Variants in ADAMTSL3 observed in about 807,000 individuals in gnomAD.
ADAMTSL3 encodes the protein ADAMTS-like protein 3.
In ADAMTSL3, 128 loss-of-function variants were observed where a neutral mutation model predicts 201.7. The ratio of observed to expected loss-of-function variants is 0.63; its 90% confidence interval spans 0.55 to 0.73. The LOEUF (loss-of-function observed/expected upper bound fraction) is 0.73, where lower values mean the gene tolerates loss of function less well. ADAMTSL3 is among the 30% of genes least tolerant of loss of function. ADAMTSL3 has a pLI of 0.00. For missense variants in ADAMTSL3, 1,990 were observed against 2,119.6 expected, an observed-to-expected ratio of 0.94 and a Z score of 1.20; for synonymous variants, 738 against 748.4, an observed-to-expected ratio of 0.99 and a Z score of 0.23.
intron 10 of ADAMTSL3, among the ~76,000 whole-genome samples, chr15:83,889,421 G>A (rs1187628844): frequency 6.6e-6 from 1 of 152,150 alleles, no homozygotes; most frequent in Admixed American, 6.5e-5. Flanking sequence ...ACCACCCAGC[G>A]CAAGGGTAGT....
chr15:83,827,164 C>T (rs1156440992), intron 6 of ADAMTSL3, among the ~76,000 whole-genome samples: 1 of 152,172 alleles, frequency 6.6e-6, no homozygotes. Flanking sequence ...ACATCCTCTC[C>T]AGCACCTGTT....
intron 29 of ADAMTSL3, 47 bp from the exon 30 acceptor site, chr15:84,037,653 G>T: frequency 2.7e-6 from 4 of 1,503,006 alleles, no homozygotes; most frequent in East Asian, 2.3e-5. Context: ...TTTTTAATTA[G>T]GTCTCTAATA....
chr15:83,791,387 A>G (rs1484017848), intron 4 of ADAMTSL3, among the ~76,000 whole-genome samples: 1 of 152,206 alleles, frequency 6.6e-6, no homozygotes, highest in East Asian at 1.9e-4. Context: ...AAAAACAGAC[A>G]GGTTGTCCGA....
intron 7 of ADAMTSL3, among the ~76,000 whole-genome samples, chr15:83,847,307 T>G (rs2064518394): frequency 6.6e-6 from 1 of 152,190 alleles, no homozygotes; most frequent in African/African-American, 2.4e-5. Flanking sequence ...CACCCCCATT[T>G]GCAAAGTAGT....
chr15:83,724,518 G>T (rs1336269619), intron 3 of ADAMTSL3, among the ~76,000 whole-genome samples: 1 of 151,932 alleles, frequency 6.6e-6, no homozygotes, highest in African/African-American at 2.4e-5. Flanking sequence ...TGGGGTATCC[G>T]TCACCTCAGG....
At chr15:83,942,859 A>C in intron 18 of ADAMTSL3, 44 bp from the exon 19 acceptor site, 1 of 1,606,188 alleles carries the variant, frequency 6.2e-7, no homozygotes, top group African/African-American at 1.3e-5. Context: ...GCACTAACAT[A>C]GAGTGGGCCA....
chr15:83,699,462 C>T (rs948865798), intron 2 of ADAMTSL3, among the ~76,000 whole-genome samples: 4 of 152,220 alleles, frequency 2.6e-5, no homozygotes, highest in African/African-American at 9.6e-5. Context: ...CCCTTCTCTA[C>T]TGCCATCATC....
chr15:83,696,900 C>T (rs17158691), intron 2 of ADAMTSL3, among the ~76,000 whole-genome samples: 15,025 of 152,122 alleles, frequency 0.099, 986 homozygotes, highest in East Asian at 0.35. Flanking sequence ...GGCAGGAAAG[C>T]GTGCAGTTGG....
intron 17 of ADAMTSL3, among the ~76,000 whole-genome samples, chr15:83,929,739 C>G (rs1405918499): frequency 2.0e-5 from 3 of 151,046 alleles, no homozygotes; most frequent in Non-Finnish European, 4.4e-5. Flanking sequence ...GAGACAGACA[C>G]ACACACACAC....
chr15:83,664,110 A>C (rs1441538167), intron 2 of ADAMTSL3, among the ~76,000 whole-genome samples: 1 of 152,206 alleles, frequency 6.6e-6, no homozygotes, highest in Non-Finnish European at 1.5e-5. Context: ...TCGTCTCTCA[A>C]ATGTAAACTT....
chr15:84,029,156 G>A (rs1429703879), intron 27 of ADAMTSL3, among the ~76,000 whole-genome samples: 1 of 152,216 alleles, frequency 6.6e-6, no homozygotes, highest in African/African-American at 2.4e-5. Flanking sequence ...AAATGTGGAA[G>A]CGACTTTGGA....
chr15:83,892,645 A>G (rs751419319), intron 12 of ADAMTSL3, 39 bp from the exon 13 acceptor site: 48 of 1,554,426 alleles, frequency 3.1e-5, no homozygotes, highest in Admixed American at 7.7e-5. Context: ...TCAAACAAAC[A>G]ACAAATAAAT....
At chr15:83,888,707 C>T (rs1056858179) in intron 10 of ADAMTSL3, among the ~76,000 whole-genome samples, 7 of 152,286 alleles carry the variant, frequency 4.6e-5, no homozygotes, top group Non-Finnish European at 2.9e-5. Context: ...CATCTGATAT[C>T]GTTGACTTTC....
chr15:83,745,844 G>T (rs1375288689), intron 3 of ADAMTSL3, among the ~76,000 whole-genome samples: 1 of 152,232 alleles, frequency 6.6e-6, no homozygotes, highest in Non-Finnish European at 1.5e-5. Flanking sequence ...TCTCATAAGT[G>T]CCTGTTGTCA....
intron 20 of ADAMTSL3, among the ~76,000 whole-genome samples, chr15:83,974,906 A>C (rs1759389228): frequency 6.6e-6 from 1 of 151,618 alleles, no homozygotes; most frequent in Non-Finnish European, 1.5e-5. Context: ...GTCAAGAAAA[A>C]TATGCCTCAG....
intron 4 of ADAMTSL3, among the ~76,000 whole-genome samples, chr15:83,777,664 A>G (rs1596189412): frequency 6.6e-6 from 1 of 152,198 alleles, no homozygotes; most frequent in Non-Finnish European, 1.5e-5. Context: ...GCCCACAAAG[A>G]TGAGAAAGAA....
At chr15:83,729,364 C>G (rs562128554) in intron 3 of ADAMTSL3, among the ~76,000 whole-genome samples, 3 of 151,986 alleles carry the variant, frequency 2.0e-5, no homozygotes, top group Admixed American at 2.0e-4. Context: ...TTCTCTCTAC[C>G]TTCTCTTTAA....
chr15:83,762,563 G>A (rs962239184), intron 3 of ADAMTSL3, among the ~76,000 whole-genome samples: 1 of 152,064 alleles, frequency 6.6e-6, no homozygotes, highest in African/African-American at 2.4e-5. Context: ...TAGAGGGCAC[G>A]AACGCTATGT....
intron 2 of ADAMTSL3, among the ~76,000 whole-genome samples, chr15:83,671,397 A>C (rs2141390434): frequency 6.6e-6 from 1 of 152,332 alleles, no homozygotes; most frequent in East Asian, 1.9e-4. Context: ...ATCAATATAA[A>C]ATACAAAAAG....
Sources: allele counts gnomAD v4.1 joint callset (sites outside exome capture counted in the v4.1 genomes callset), GRCh38; gene constraint gnomAD v4.1.1; transcripts MANE v1.5; gene names NCBI Gene and HGNC (gene_info 2026-07-23, HGNC 2026-07-21).